CPQ: variants seen among roughly 807,000 people sequenced by gnomAD.
CPQ encodes Ser-Met dipeptidase.
A neutral mutation model predicts 45.7 loss-of-function variants in CPQ; 37 were observed. The ratio of observed to expected loss-of-function variants is 0.81; its 90% CI spans 0.62 to 1.07. The LOEUF is 1.07. Ranked by LOEUF, CPQ falls within the 50% of genes least tolerant of loss-of-function variation. The pLI is 0.00. For synonymous variants in CPQ, 186 were observed against 205.8 expected (o/e 0.90, Z 0.82); for missense variants, 537 against 572.9 (o/e 0.94, Z 0.64).
chr8:96,811,295 G>A (rs893522300), intron 2 of CPQ, among the ~76,000 whole-genome samples: 1 of 152,054 alleles, frequency 6.6e-6, no homozygotes, highest in African/African-American at 2.4e-5. Flanking sequence ...GAAGAATGGA[G>A]TCTATACCTT....
intron 5 of CPQ, among the ~76,000 whole-genome samples, chr8:96,973,623 C>T (rs1473592260): frequency 6.6e-6 from 1 of 152,102 alleles, no homozygotes; most frequent in Non-Finnish European, 1.5e-5. Context: ...GAGGCAAAAG[C>T]ATCAGGTAAC....
At chr8:96,886,836 T>C (rs1812312396) in intron 4 of CPQ, among the ~76,000 whole-genome samples, 1 of 152,204 alleles carries the variant, frequency 6.6e-6, no homozygotes, top group Admixed American at 6.5e-5. Flanking sequence ...AAATTGTACC[T>C]TTCTCTCATG....
intron 4 of CPQ, among the ~76,000 whole-genome samples, chr8:96,921,765 G>T (rs537641303): frequency 6.6e-6 from 1 of 152,220 alleles, no homozygotes; most frequent in South Asian, 2.1e-4. Flanking sequence ...AACTTTTATA[G>T]AAATTCTAAG....
chr8:96,989,439 A>C lies in CPQ; in HGVS notation c.961+23393A>C, dbSNP rs993833862. ...AGGGGACAGGAGCGGAGGGAAGGGGAGGGGAGGGGAGGGGACAGGAGCAGA... is the reference window on the plus strand; with the variant it reads ...AGGGGACAGGAGCGGAGGGAAGGGGCGGGGAGGGGAGGGGACAGGAGCAGA... On this transcript the variant is annotated intron_variant, in intron 5 of 7. Transcript: ENST00000220763. Among the ~76,000 whole-genome samples the C allele has an allele frequency of 1.2e-4, 5 of 40,792 alleles. No individual in the cohort carries two copies. The Admixed American group carries it at 1.5e-3, about 12-fold the overall frequency. The allele number at this position is 40,792 out of a possible 152,430, so 26.8% of individuals were successfully genotyped here. A position where few individuals can be genotyped will look rare whatever the true frequency, so the allele number is the denominator to read the frequency against.
intron 4 of CPQ, among the ~76,000 whole-genome samples, chr8:96,885,371 A>T (rs575067085): frequency 6.6e-6 from 1 of 152,148 alleles, no homozygotes; most frequent in East Asian, 1.9e-4. Context: ...GCAATGTTGC[A>T]TTGGGGATTA....
At chr8:96,714,915 T>C (rs1394401809) in intron 1 of CPQ, among the ~76,000 whole-genome samples, 1 of 152,222 alleles carries the variant, frequency 6.6e-6, no homozygotes, top group African/African-American at 2.4e-5. Flanking sequence ...TGAAATTCGT[T>C]GATTATAGAT....
At chr8:96,982,882 T>C (rs919279403) in intron 5 of CPQ, among the ~76,000 whole-genome samples, 1 of 152,218 alleles carries the variant, frequency 6.6e-6, no homozygotes, top group Non-Finnish European at 1.5e-5. Flanking sequence ...TATTTCTTTT[T>C]TGTAAGGTTG....
intron 6 of CPQ, among the ~76,000 whole-genome samples, chr8:97,064,485 A>C (rs1810604665): frequency 6.6e-6 from 1 of 152,204 alleles, no homozygotes; most frequent in South Asian, 2.1e-4. Context: ...TTTATTATAA[A>C]TGCCCTGGGT....
At chr8:97,076,170 C>G (rs573702929) in intron 7 of CPQ, among the ~76,000 whole-genome samples, 1 of 152,162 alleles carries the variant, frequency 6.6e-6, no homozygotes, top group South Asian at 2.1e-4. Context: ...GGATTACAGG[C>G]ACACACCACC....
intron 3 of CPQ, among the ~76,000 whole-genome samples, chr8:96,875,395 C>T (rs773165700): frequency 7.2e-5 from 11 of 151,972 alleles, no homozygotes; most frequent in Non-Finnish European, 1.6e-4. Context: ...GAAACAATTT[C>T]CTTTCCCAAA....
At chr8:96,717,794 G>T (rs147593757) in intron 1 of CPQ, among the ~76,000 whole-genome samples, 1 of 152,276 alleles carries the variant, frequency 6.6e-6, no homozygotes, top group Non-Finnish European at 1.5e-5. Flanking sequence ...GGCACAAGCA[G>T]TGGCTCCAGA....
chr8:96,752,761 G>A (rs1017519754), intron 1 of CPQ, among the ~76,000 whole-genome samples: 2 of 151,996 alleles, frequency 1.3e-5, no homozygotes, highest in African/African-American at 2.4e-5. Flanking sequence ...ATTGCCTGTG[G>A]GTTTGTCATA....
intron 6 of CPQ, among the ~76,000 whole-genome samples, 167 bp from the exon 7 acceptor site, chr8:97,065,842 C>A (rs1810626337): frequency 6.6e-6 from 1 of 152,090 alleles, no homozygotes; most frequent in African/African-American, 2.4e-5. Flanking sequence ...TTGTGCATCT[C>A]AGAATGGTTA....
chr8:97,049,521 C>T (rs2513336), intron 6 of CPQ, among the ~76,000 whole-genome samples: 110,997 of 152,078 alleles, frequency 0.73, 40,727 homozygotes, highest in African/African-American at 0.79. Context: ...CAAATAATTG[C>T]ATTCTCAAAT....
intron 4 of CPQ, among the ~76,000 whole-genome samples, chr8:96,886,898 G>A (rs1295034212): frequency 1.3e-5 from 2 of 152,062 alleles, no homozygotes; most frequent in Non-Finnish European, 2.9e-5. Flanking sequence ...CATATCTACC[G>A]TCCTTTGTCG....
At chr8:96,844,765 C>G (rs552382494) in intron 3 of CPQ, among the ~76,000 whole-genome samples, 1 of 152,098 alleles carries the variant, frequency 6.6e-6, no homozygotes, top group African/African-American at 2.4e-5. Flanking sequence ...TAGATAGAGC[C>G]CTCCTCAGTG....
At chr8:96,972,423 G>T (rs1242003654) in intron 5 of CPQ, among the ~76,000 whole-genome samples, 1 of 152,108 alleles carries the variant, frequency 6.6e-6, no homozygotes, top group Non-Finnish European at 1.5e-5. Flanking sequence ...TTCTCTACCT[G>T]CCCTGGTAGC....
chr8:96,805,276 G>T (rs914228460), intron 2 of CPQ, among the ~76,000 whole-genome samples: 2 of 152,082 alleles, frequency 1.3e-5, no homozygotes, highest in African/African-American at 2.4e-5. Context: ...GCATGCTCTG[G>T]TTTTTTTCCC....
At chr8:96,856,100 T>C (rs958208473) in intron 3 of CPQ, among the ~76,000 whole-genome samples, 13 of 152,228 alleles carry the variant, frequency 8.5e-5, no homozygotes, top group Non-Finnish European at 1.8e-4. Flanking sequence ...GAAGGTCATA[T>C]AGGCCCTGAT....
Sources: allele counts gnomAD v4.1 joint callset (sites outside exome capture counted in the v4.1 genomes callset), GRCh38; gene constraint gnomAD v4.1.1; transcripts MANE v1.5; gene names NCBI Gene and HGNC (gene_info 2026-07-23, HGNC 2026-07-21).